ADGRL3: variants seen among roughly 807,000 people sequenced by gnomAD.
ADGRL3 encodes the protein adhesion G protein-coupled receptor L3.
In ADGRL3, 62 loss-of-function variants were observed where a neutral mutation model predicts 153.5. The ratio of observed to expected loss-of-function variants is 0.40; its 90% CI spans 0.33 to 0.50. The LOEUF (loss-of-function observed/expected upper bound fraction) is 0.50. Among genes scored for constraint, ADGRL3 ranks in the 20% least tolerant of loss-of-function variants. ADGRL3 has a pLI of 0.47. For synonymous variants in ADGRL3, 710 were observed against 672.5 expected (o/e 1.06, Z -0.86); for missense variants, 1,641 against 1,859.4 (o/e 0.88, Z 2.16).
chr4:61,337,985 G>A lies in ADGRL3; in HGVS notation c.-239-45139G>A, dbSNP rs141022321. On this transcript the variant is annotated intron_variant, in intron 1 of 26. Transcript: ENST00000683033. ...ACTTAGAAGACTGCCATGACAGGCC[G>A]GGCACGGTGGCTCACACCTGTAATC... is the stretch of plus-strand genomic sequence containing the variant. 2.6e-3 allele frequency among the ~76,000 whole-genome samples: 395 copies of A among 152,142 alleles called. 1 individual carries two copies. Among genetic ancestry groups the A allele is most frequent in the Non-Finnish European group, 3.9e-3 (263 of 68,010 alleles).
At chr4:61,578,568 G>C (rs900990182) in intron 4 of ADGRL3, among the ~76,000 whole-genome samples, 1 of 151,630 alleles carries the variant, frequency 6.6e-6, no homozygotes, top group Admixed American at 6.6e-5. Context: ...TAACTAATTT[G>C]AGCTATATTC....
At chr4:61,562,944 C>CAAAAA (rs35146786) in intron 4 of ADGRL3, among the ~76,000 whole-genome samples, 9 of 105,934 alleles carry the variant, frequency 8.5e-5, no homozygotes, top group South Asian at 3.3e-4. Flanking sequence ...GACCCTGTCT[C>CAAAAA]AAAAAAAAAA....
intron 1 of ADGRL3, among the ~76,000 whole-genome samples, chr4:61,285,707 G>A (rs1285301879): frequency 3.3e-5 from 5 of 151,744 alleles, no homozygotes; most frequent in African/African-American, 1.2e-4. Flanking sequence ...AAAAATTATT[G>A]TATATTTTGT....
At position 62,074,561 on chromosome 4, in the gene ADGRL3, C is replaced by T. The variant is rs1255265244; in HGVS notation, c.*3653C>T. 2 of 152,106 alleles carry T rather than the reference C, an allele frequency of 1.3e-5. No individual in the cohort carries two copies. The highest frequency in any genetic ancestry group is 4.8e-5 in the African/African-American group (2 of 41,426). 9.4% of individuals were successfully genotyped at this position (152,106 alleles called of 1,614,324 possible). A position where few individuals can be genotyped will look rare whatever the true frequency, so the allele number is the denominator to read the frequency against. On this transcript the variant is annotated 3_prime_UTR_variant, in exon 27 of 27. Transcript: ENST00000683033. ...GTTTCCACTATATTATAATTAAACA[C>T]ACTGAAGTTGAATAATAAATTACTG...
rs182037960 is a variant in ADGRL3, at chr4:62,041,210, G to A, written c.3718-3243G>A. ...AGGGGATGATGGCCAAGACTAAAAC[G>A]TAAAAATCCTCTTCACCTCTTGCTC... On this transcript the variant is annotated intron_variant, in intron 24 of 26. Coordinates refer to ENST00000683033, the MANE Select transcript of ADGRL3 (RefSeq NM_001387552.1). Among the ~76,000 whole-genome samples the A allele has an allele frequency of 1.8e-3, 281 of 152,082 alleles. 2 individuals carry two copies. The highest frequency in any genetic ancestry group is 6.5e-3 in the African/African-American group (272 of 41,534).
rs979432483 is a variant in ADGRL3 at position 61,857,888 on chromosome 4, T to A, written c.1481-34768T>A. On this transcript the variant is annotated intron_variant, in intron 9 of 26. Coordinates refer to ENST00000683033, the MANE Select transcript of ADGRL3 (RefSeq NM_001387552.1). ...CCACCATTCCCACCTAATAGCACAA[T>A]TGTTTTAATAGTCCATTTGGGAGGG... 3.3e-5 allele frequency among the ~76,000 whole-genome samples: 5 copies of A among 152,074 alleles called. 1 individual carries two copies. The highest frequency in any genetic ancestry group is 4.4e-5 in the Non-Finnish European group (3 of 68,022).
At chr4:61,572,290 A>G (rs942405641) in intron 4 of ADGRL3, among the ~76,000 whole-genome samples, 2 of 152,106 alleles carry the variant, frequency 1.3e-5, no homozygotes, top group Non-Finnish European at 2.9e-5. Flanking sequence ...TGATCAAGGG[A>G]CCTCAAGTAC....
chr4:61,813,818 A>C lies in ADGRL3; in HGVS notation c.1409A>C (p.His470Pro), dbSNP rs2097657949. ...GPLDSRSGQA[H>P]HGQVSYISPP... is the part of the protein sequence containing the mutation. ...TGTTTTGGGTCCACAGGGCAGGCACATCATGGACAAGTTTCATACATTTCT... is the reference window on the plus strand; with the variant it reads ...TGTTTTGGGTCCACAGGGCAGGCACCTCATGGACAAGTTTCATACATTTCT... Residue 470 changes from histidine (H) to proline (P), a missense_variant, in exon 9 of 27, where the codon CAT becomes CCT. His to Pro is a moderately conservative substitution (Grantham distance 77). Transcript: ENST00000683033. 6.3e-7 allele frequency: 1 copy of C among 1,581,374 alleles called. No individual in the cohort carries two copies. Among genetic ancestry groups the C allele is most frequent in the Non-Finnish European group, 8.7e-7 (1 of 1,150,436 alleles).
chr4:61,640,194 GC>G (rs1418261294), intron 5 of ADGRL3, among the ~76,000 whole-genome samples: 1 of 151,654 alleles, frequency 6.6e-6, no homozygotes, highest in Admixed American at 6.6e-5. Flanking sequence ...GCGGAATATG[GC>G]AAGAGGAAAT....
intron 1 of ADGRL3, among the ~76,000 whole-genome samples, chr4:61,232,730 T>G (rs1419368158): frequency 6.6e-6 from 1 of 152,186 alleles, no homozygotes; most frequent in African/African-American, 2.4e-5. Context: ...AGGTAAGACA[T>G]GTAAACCATT....
At chr4:61,763,367 A>G (rs1015206362) in intron 8 of ADGRL3, among the ~76,000 whole-genome samples, 1 of 148,370 alleles carries the variant, frequency 6.7e-6, no homozygotes, top group South Asian at 2.1e-4. Flanking sequence ...TTTTTTTTTT[A>G]GTAGAGACGG....
intron 8 of ADGRL3, among the ~76,000 whole-genome samples, chr4:61,813,252 G>A (rs1479739614): frequency 6.6e-6 from 1 of 152,076 alleles, no homozygotes; most frequent in African/African-American, 2.4e-5. Flanking sequence ...ATATTAGATG[G>A]GCGTGGTGGC....
At chr4:61,306,730 G>C (rs2094803082) in intron 1 of ADGRL3, among the ~76,000 whole-genome samples, 1 of 152,022 alleles carries the variant, frequency 6.6e-6, no homozygotes, top group Non-Finnish European at 1.5e-5. Flanking sequence ...CATCATTTTT[G>C]ACAATTTTAT....
At chr4:61,439,629 G>A (rs1050990040) in intron 2 of ADGRL3, among the ~76,000 whole-genome samples, 4 of 151,710 alleles carry the variant, frequency 2.6e-5, no homozygotes, top group East Asian at 1.9e-4. Context: ...GACACGCCCC[G>A]GTATGTAATG....
At chr4:61,231,815 G>T (rs939834562) in intron 1 of ADGRL3, among the ~76,000 whole-genome samples, 11 of 151,952 alleles carry the variant, frequency 7.2e-5, no homozygotes, top group African/African-American at 2.7e-4. Flanking sequence ...TTAATAAAAG[G>T]TATCCATGGT....
At chr4:61,485,428 C>A (rs1274046453) in intron 2 of ADGRL3, among the ~76,000 whole-genome samples, 1 of 152,042 alleles carries the variant, frequency 6.6e-6, no homozygotes, top group Non-Finnish European at 1.5e-5. Flanking sequence ...TTACAGTAAT[C>A]TTTTCTCATT....
intron 6 of ADGRL3, among the ~76,000 whole-genome samples, chr4:61,699,587 A>G (rs911012999): frequency 6.6e-6 from 1 of 152,030 alleles, no homozygotes; most frequent in Admixed American, 6.6e-5. Flanking sequence ...AAGAAAAATC[A>G]CTCTTGGTAG....
chr4:61,533,811 C>T (rs770380328), intron 4 of ADGRL3, among the ~76,000 whole-genome samples: 5 of 151,928 alleles, frequency 3.3e-5, no homozygotes, highest in Non-Finnish European at 4.4e-5. Context: ...GAAATTTTAG[C>T]GTAAAAAATA....
chr4:61,396,579 C>A (rs2152072329), intron 2 of ADGRL3, among the ~76,000 whole-genome samples: 1 of 151,962 alleles, frequency 6.6e-6, no homozygotes, highest in South Asian at 2.1e-4. Flanking sequence ...AGGACTTTGA[C>A]CTCTAACAAC....
Sources: gnomAD v4.1 joint callset for allele counts (sites outside exome capture counted in the v4.1 genomes callset) on GRCh38, gnomAD v4.1.1 for gene constraint, MANE v1.5 for transcripts, NCBI Gene and HGNC (gene_info 2026-07-23, HGNC 2026-07-21) for gene names.